Variants in FGF14 observed in about 807,000 individuals in gnomAD.
FGF14 encodes fibroblast growth factor 14.
In FGF14, 5 loss-of-function variants were observed where a neutral mutation model predicts 25.5. The observed-to-expected ratio is 0.20, with a 90% CI of 0.10 to 0.41. The LOEUF (loss-of-function observed/expected upper bound fraction) is 0.41. Ranked by LOEUF, FGF14 falls within the 10% of genes least tolerant of loss-of-function variation. FGF14 has a pLI of 1.00. For synonymous variants in FGF14, 138 were observed against 118.3 expected (o/e 1.17, Z -1.08); for missense variants, 222 against 320.1 (o/e 0.69, Z 2.34).
intron 1 of FGF14, among the ~76,000 whole-genome samples, chr13:102,059,823 C>T (rs2042596999): frequency 6.6e-6 from 1 of 151,342 alleles, no homozygotes; most frequent in Non-Finnish European, 1.5e-5. Flanking sequence ...TGCACTCCAG[C>T]CTGGGTGACA....
At chr13:101,972,469 T>C (rs9557766) in intron 1 of FGF14, among the ~76,000 whole-genome samples, 51,998 of 151,888 alleles carry the variant, frequency 0.34, 9,317 homozygotes, top group East Asian at 0.71. Flanking sequence ...GAAAAACACA[T>C]TGTTACTGAC....
chr13:102,203,213 A>G (rs2049749903), intron 1 of FGF14, among the ~76,000 whole-genome samples: 1 of 152,250 alleles, frequency 6.6e-6, no homozygotes, highest in Admixed American at 6.5e-5. Context: ...ACTGTAATAA[A>G]TTAGTTTGCA....
chr13:102,376,007 G>A, intron 1 of FGF14, among the ~76,000 whole-genome samples: 1 of 152,090 alleles, frequency 6.6e-6, no homozygotes, highest in Non-Finnish European at 1.5e-5. Flanking sequence ...GAATAAATCT[G>A]CTGGTTCTAC....
At chr13:102,086,553 C>CTTA (rs1283262142) in intron 1 of FGF14, among the ~76,000 whole-genome samples, 1 of 152,056 alleles carries the variant, frequency 6.6e-6, no homozygotes, top group Non-Finnish European at 1.5e-5. Context: ...TGCTTCCGAC[C>CTTA]TTATTTTATC....
At chr13:102,046,464 C>CA (rs1273763690) in intron 1 of FGF14, among the ~76,000 whole-genome samples, 1 of 151,990 alleles carries the variant, frequency 6.6e-6, no homozygotes, top group African/African-American at 2.4e-5. Context: ...TGGGGAACCA[C>CA]AAAAAACAGG....
At chr13:102,080,970 C>T (rs1388962374) in intron 1 of FGF14, among the ~76,000 whole-genome samples, 1 of 152,198 alleles carries the variant, frequency 6.6e-6, no homozygotes, top group Middle Eastern at 3.2e-3. Flanking sequence ...AGGGCAATGA[C>T]CCATTCCTTT....
chr13:101,850,890 C>T (rs1214007951), intron 3 of FGF14, among the ~76,000 whole-genome samples: 4 of 151,628 alleles, frequency 2.6e-5, no homozygotes, highest in African/African-American at 9.7e-5. Flanking sequence ...TCATTTCTTT[C>T]AACATGTTTT....
chr13:102,093,018 G>A (rs1327170436), intron 1 of FGF14, among the ~76,000 whole-genome samples: 2 of 152,092 alleles, frequency 1.3e-5, no homozygotes, highest in East Asian at 1.9e-4. Flanking sequence ...ATTTTTATTC[G>A]GGAAACCTGT....
At position 102,031,994 on chromosome 13, in the gene FGF14, G is replaced by A. The variant is rs1403675804; in HGVS notation, c.209-156698C>T. ...TCTGTTCATTAGCCTCCTGGCACAG[G>A]AATCATAAAAATGATGAGGGGATGT... On this transcript the variant is annotated intron_variant, in intron 1 of 4. Coordinates refer to the FGF14 transcript ENST00000376131. Among the ~76,000 whole-genome samples the A allele has an allele frequency of 2.4e-4, 37 of 152,054 alleles. 1 individual carries two copies. The highest frequency in any genetic ancestry group is 2.3e-3 in the Admixed American group (35 of 15,248).
chr13:102,231,879 G>A (rs1400381526), intron 1 of FGF14, among the ~76,000 whole-genome samples: 2 of 152,072 alleles, frequency 1.3e-5, no homozygotes, highest in Non-Finnish European at 1.5e-5. Context: ...TCATTATAAG[G>A]GCTAAACAAA....
intron 1 of FGF14, among the ~76,000 whole-genome samples, chr13:102,290,338 C>A (rs1395916712): frequency 1.3e-5 from 2 of 152,136 alleles, no homozygotes; most frequent in African/African-American, 4.8e-5. Context: ...GACACCTACC[C>A]TGACAGTGCC....
At chr13:102,049,260 C>A (rs939978811) in intron 1 of FGF14, among the ~76,000 whole-genome samples, 9 of 152,044 alleles carry the variant, frequency 5.9e-5, no homozygotes, top group Non-Finnish European at 1.2e-4. Context: ...CTTTCTTTTA[C>A]CTCTACATTC....
At chr13:102,024,342 T>C in intron 1 of FGF14, among the ~76,000 whole-genome samples, 1 of 152,090 alleles carries the variant, frequency 6.6e-6, no homozygotes, top group Non-Finnish European at 1.5e-5. Flanking sequence ...GGTATCTCAT[T>C]GTAGTTCGTA....
chr13:101,715,911 A>G lies in FGF14; in HGVS notation c.*6920T>C, dbSNP rs1236646550. 5.2e-6 allele frequency: 2 copies of G among 385,506 alleles called. No homozygotes were observed. Among genetic ancestry groups the G allele is most frequent in the East Asian group, 1.0e-4 (2 of 19,330 alleles). 23.9% of individuals were successfully genotyped at this position (385,506 alleles called of 1,614,324 possible). ...CTAACGAGAGCAATTTTTCCACCCAAAAGTCATTTGGCAACATCTACAGAC... is the reference window on the plus strand; with the variant it reads ...CTAACGAGAGCAATTTTTCCACCCAGAAGTCATTTGGCAACATCTACAGAC... On this transcript the variant is annotated 3_prime_UTR_variant, in exon 5 of 5. Coordinates refer to ENST00000376143, the MANE Select transcript of FGF14 (RefSeq NM_004115.4).
intron 3 of FGF14, among the ~76,000 whole-genome samples, chr13:101,729,240 A>G (rs1021502916): frequency 6.6e-5 from 10 of 152,124 alleles, no homozygotes; most frequent in Non-Finnish European, 1.3e-4. Context: ...GTGGCTAAAT[A>G]ATTAATGCAC....
intron 3 of FGF14, among the ~76,000 whole-genome samples, chr13:101,858,514 T>C (rs577383080): frequency 1.4e-4 from 21 of 152,170 alleles, no homozygotes; most frequent in Admixed American, 2.0e-4. Flanking sequence ...TCATCTATTG[T>C]TTTAGGCCTT....
intron 1 of FGF14, among the ~76,000 whole-genome samples, chr13:102,305,050 A>G (rs183379493): frequency 6.6e-6 from 1 of 152,354 alleles, no homozygotes; most frequent in East Asian, 1.9e-4. Context: ...ATTTGTAAGG[A>G]AAGTAAACCT....
chr13:101,810,722 C>T (rs2041457289), intron 3 of FGF14, among the ~76,000 whole-genome samples: 2 of 152,172 alleles, frequency 1.3e-5, no homozygotes, highest in South Asian at 4.1e-4. Flanking sequence ...TTTCTTTAGG[C>T]TGATTCACAA....
chr13:101,723,571 C>T (rs1400198941), intron 4 of FGF14, among the ~76,000 whole-genome samples: 1 of 151,964 alleles, frequency 6.6e-6, no homozygotes, highest in East Asian at 1.9e-4. Context: ...TGTTCATTTC[C>T]TACAATCATG....
Sources: gnomAD v4.1 joint callset for allele counts (sites outside exome capture counted in the v4.1 genomes callset) on GRCh38, gnomAD v4.1.1 for gene constraint, MANE v1.5 for transcripts, NCBI Gene and HGNC (gene_info 2026-07-23, HGNC 2026-07-21) for gene names.